The following ADAM33 variants were observed in gnomAD, a reference collection of about 807,000 sequenced individuals.
ADAM33 encodes ADAM metallopeptidase domain 33.
Under a neutral mutation model 106.2 loss-of-function variants are expected in ADAM33, and 103 were observed. The observed-to-expected ratio is 0.97, with a 90% CI of 0.83 to 1.14. The LOEUF is 1.14. Ranked by LOEUF, ADAM33 falls within the 50% of genes most tolerant of loss-of-function variation. ADAM33 has a pLI of 0.00. For synonymous variants in ADAM33, 483 were observed against 453.0 expected, an observed-to-expected ratio of 1.07 and a Z score of -0.84; for missense variants, 1,120 against 1,096.6, an observed-to-expected ratio of 1.02 and a Z score of -0.30.
rs758082548 is a variant in ADAM33, at chr20:3,679,515, G to A, written c.154C>T (p.Arg52Cys). 123 of 1,609,898 alleles carry A rather than the reference G, an allele frequency of 7.6e-5. No individual in the cohort carries two copies. The South Asian group carries it at 1.0e-3, about 13-fold the overall frequency. ...ACCGGCTCCTCCAGGCTGACGGTGC[G>A]CCAGGGTTGTCCATCCAGGACCCAG... ...PHWVLDGQPW[R>C]TVSLEEPVSK... The change falls in exon 2 of 22, where the codon CGC becomes TGC. Residue 52 changes from arginine to cysteine, a missense_variant. Coordinates refer to ENST00000356518, the MANE Select transcript of ADAM33 (RefSeq NM_025220.5).
chr20:3,671,908 T>A lies in ADAM33; in HGVS notation c.1675A>T (p.Ser559Cys). ...GCACAGGGCAGGAAGTGGCCCTCGC[T>A]GTCCTGGCCGCAGTTTCCATGAGCA... ...GDAHGNCGQD[S>C]EGHFLPCAGR... Residue 559 changes from serine (S) to cysteine (C), a missense_variant, in exon 15 of 22, where the codon AGC becomes TGC. Ser to Cys is a moderately radical substitution (Grantham distance 112). Coordinates refer to ENST00000356518, the MANE Select transcript of ADAM33 (RefSeq NM_025220.5). 6.4e-7 allele frequency: 1 copy of A among 1,554,524 alleles called. No homozygotes were observed. Among genetic ancestry groups the A allele is most frequent in the Non-Finnish European group, 8.7e-7 (1 of 1,148,482 alleles).
At chr20:3,677,027 T>C in intron 3 of ADAM33, 40 bp downstream of exon 3, 4 of 1,602,672 alleles carry the variant, frequency 2.5e-6, no homozygotes, top group Non-Finnish European at 3.4e-6. Flanking sequence ...CCCCCAACAC[T>C]GATCCCCTCC....
intron 4 of ADAM33, 39 bp downstream of exon 4, chr20:3,674,988 C>T: frequency 6.2e-7 from 1 of 1,612,982 alleles, no homozygotes; most frequent in Non-Finnish European, 8.5e-7. Flanking sequence ...GGGGGGGTAC[C>T]TCTGGCGGTG....
In ADAM33 at chr20:3,682,008, T is replaced by C; in HGVS notation, c.-4A>G. On this transcript the variant is annotated 5_prime_UTR_variant, in exon 1 of 22. Coordinates refer to ENST00000356518, the MANE Select transcript of ADAM33 (RefSeq NM_025220.5). ...CTCTCCGGGGCCTCCAGCCCATAGC[T>C]GTGAGCTCCTCGGCCTCTAGGCAGC... 6.7e-7 allele frequency: 1 copy of C among 1,500,256 alleles called. No homozygotes were observed. The highest frequency in any genetic ancestry group is 8.9e-7 in the Non-Finnish European group (1 of 1,123,926). The allele number at this position is 1,500,256 out of a possible 1,614,324, so 92.9% of individuals were successfully genotyped here. A position where few individuals can be genotyped will look rare whatever the true frequency, so the allele number is the denominator to read the frequency against.
At chr20:3,673,045 C>A in intron 11 of ADAM33, 147 bp from the exon 12 acceptor site, 2 of 1,434,904 alleles carry the variant, frequency 1.4e-6, no homozygotes, top group Non-Finnish European at 1.8e-6. Context: ...ACACAACAAG[C>A]GGGACAGGGG....
Position 3,674,094 on chromosome 20 carries a change from A to G in ADAM33, c.708T>C (p.Arg236=). The change falls in exon 8 of 22, where the codon CGT becomes CGC. Residue 236 remains arginine, a synonymous_variant. Transcript: ENST00000356518. ...CCACGTAGTTGGCGACTTCCAGGAG[A>G]CGCTGTTTGGTGTGGTTCAAGTTTC... ...RHRNLNHTKQ[R]LLEVANYVDQ... 6.2e-7 allele frequency: 1 copy of G among 1,613,930 alleles called. No individual in the cohort carries two copies. The highest frequency in any genetic ancestry group is 8.5e-7 in the Non-Finnish European group (1 of 1,179,966).
chr20:3,672,349 T>C lies in ADAM33; in HGVS notation c.1402-20A>G, dbSNP rs201325299. The C allele has an allele frequency of 1.2e-3, 1,898 of 1,609,206 alleles. 10 individuals are homozygous for C. The highest frequency in any genetic ancestry group is 1.4e-3 in the Non-Finnish European group (1,657 of 1,177,806). On this transcript the variant is annotated intron_variant, in intron 13 of 21. Coordinates refer to ENST00000356518, the MANE Select transcript of ADAM33 (RefSeq NM_025220.5). ...CTTCAGCTGCGCAGGTGACGGGTGG[T>C]GGGGAAGGCAGAGAGAGGCCACGTG...
In ADAM33 at chr20:3,674,768, C is replaced by A; in HGVS notation, c.410+5G>T. 6.2e-7 allele frequency: 1 copy of A among 1,604,384 alleles called. No homozygotes were observed. The highest frequency in any genetic ancestry group is 8.5e-7 in the Non-Finnish European group (1 of 1,175,138). ...CCAGGCCCAGCCTCCTCTCCCAGAG[C>A]TCACCTCATCCCAGAGCAGGTGCAG... is the stretch of plus-strand genomic sequence containing the variant. On this transcript the variant is annotated splice_donor_5th_base_variant and intron_variant, in intron 5 of 21. Transcript: ENST00000356518.
intron 14 of ADAM33, 54 bp downstream of exon 14, chr20:3,672,080 C>A: frequency 1.3e-6 from 2 of 1,587,842 alleles, no homozygotes; most frequent in Admixed American, 1.8e-5. Flanking sequence ...CAGTAGAAAA[C>A]TGGCCCCACC....
At position 3,681,952 on chromosome 20, in the gene ADAM33, A is replaced by G. The variant is rs1245862653; in HGVS notation, c.53T>C (p.Leu18Pro). Residue 18 changes from leucine (L) to proline (P), a missense_variant, in exon 1 of 22, where the codon CTA (leucine) becomes CCA (proline). Physicochemically the swap from Leu to Pro is moderately conservative, Grantham distance 98 (BLOSUM62 -3). Transcript: ENST00000356518. ...TGGCACTGGCCAGAGCAGCAGCAGT[A>G]GTAGCAGCAGCAGCAACGGGGTCCC... is the stretch of plus-strand genomic sequence containing the variant. Reference protein sequence around the residue: ...ARGTPLLLLLLLLLLWPVPGA... With the variant: ...ARGTPLLLLLPLLLLWPVPGA... 1.9e-6 allele frequency: 3 copies of G among 1,566,454 alleles called. No individual in the cohort carries two copies. The highest frequency in any genetic ancestry group is 1.7e-6 in the Non-Finnish European group (2 of 1,157,384).
Position 3,681,916 on chromosome 20 carries a change from A to G in ADAM33, c.89T>C (p.Val30Ala). 2.5e-6 allele frequency: 4 copies of G among 1,590,044 alleles called. No individual in the cohort carries two copies. The highest frequency in any genetic ancestry group is 3.4e-6 in the Non-Finnish European group (4 of 1,169,648). The change falls in exon 1 of 22, where the codon GTG (valine) becomes GCG (alanine). Residue 30 changes from valine (V) to alanine (A), a missense_variant. By Grantham distance (64) the Val-to-Ala change is moderately conservative (BLOSUM62 0). Transcript: ENST00000356518. Reference protein sequence around the residue: ...LLLWPVPGAGVLQGHIPGQPV... With the variant: ...LLLWPVPGAGALQGHIPGQPV... Reference sequence around the variant, plus strand: ...CCCGCCCGCGTCCTCACCTTGAAGCACCCCGGCGCCTGGCACTGGCCAGAG... The same window carrying G: ...CCCGCCCGCGTCCTCACCTTGAAGCGCCCCGGCGCCTGGCACTGGCCAGAG...
At chr20:3,680,469 T>C (rs1033019791) in intron 1 of ADAM33, among the ~76,000 whole-genome samples, 1 of 152,064 alleles carries the variant, frequency 6.6e-6, no homozygotes, top group Non-Finnish European at 1.5e-5. Context: ...CCCAACTCCT[T>C]TTTTCTCCTC....
chr20:3,672,731 C>A lies in ADAM33; in HGVS notation c.1301G>T (p.Gly434Val). ...FVEAGEECDCGPGQECRDLCC... is the reference protein window; with the variant it reads ...FVEAGEECDCVPGQECRDLCC... ...GCGAGCCGACTTAACCTGGCCAGGG[C>A]CGCAGTCACACTCCTCGCCCGCTTC... The change falls in exon 12 of 22, where the codon GGC (glycine) becomes GTC (valine). Residue 434 changes from glycine to valine, a missense_variant. Physicochemically the swap from Gly to Val is moderately radical, Grantham distance 109. Coordinates refer to ENST00000356518, the MANE Select transcript of ADAM33 (RefSeq NM_025220.5). 6.3e-7 allele frequency: 1 copy of A among 1,575,722 alleles called. No homozygotes were observed. The highest frequency in any genetic ancestry group is 8.6e-7 in the Non-Finnish European group (1 of 1,160,032).
chr20:3,680,542 A>G (rs2088397684), intron 1 of ADAM33, among the ~76,000 whole-genome samples: 1 of 152,126 alleles, frequency 6.6e-6, no homozygotes, highest in Non-Finnish European at 1.5e-5. Context: ...CCTTGATTGG[A>G]TGAGTGAATT....
chr20:3,669,502 C>T (rs1348681782), intron 20 of ADAM33, 44 bp downstream of exon 20: 2 of 1,547,248 alleles, frequency 1.3e-6, no homozygotes, highest in Non-Finnish European at 1.7e-6. Flanking sequence ...ATGAGCCCTT[C>T]CCTTCTCCCT....
At position 3,675,919 on chromosome 20, in the gene ADAM33, G is replaced by C. The variant is rs2087914518; in HGVS notation, c.255-814C>G. 7.0e-6 allele frequency among the ~76,000 whole-genome samples: 1 copy of C among 143,594 alleles called. No homozygotes were observed. Among genetic ancestry groups the C allele is most frequent in the African/African-American group, 2.6e-5 (1 of 38,166 alleles). The allele number at this position is 143,594 out of a possible 152,430, so 94.2% of individuals were successfully genotyped here. A position where few individuals can be genotyped will look rare whatever the true frequency, so the allele number is the denominator to read the frequency against. Reference sequence around the variant, plus strand: ...TGCCCCAGCTCTGCCCCCTACCCCTGCCCCACACACACCCGCCACCCTAGG... The same window carrying C: ...TGCCCCAGCTCTGCCCCCTACCCCTCCCCCACACACACCCGCCACCCTAGG... On this transcript the variant is annotated intron_variant, in intron 3 of 21. Coordinates refer to ENST00000356518, the MANE Select transcript of ADAM33 (RefSeq NM_025220.5). This position sits in a 1 kb window ranked among gnomAD's most constrained non-coding sequence, Gnocchi z 4.1.
At chr20:3,679,397 G>A (rs892414082) in intron 2 of ADAM33, 95 bp downstream of exon 2, 3 of 1,338,492 alleles carry the variant, frequency 2.2e-6, no homozygotes, top group Admixed American at 4.1e-5. Flanking sequence ...GTGGTTCTGG[G>A]GACCCCAGCA....
rs1015452990 is a variant in ADAM33 at position 3,668,839 on chromosome 20, T to G, written c.*124A>C. ...TCGAAGCTCCACTCGGGGAAGAAACTTCCAAGCTGCCTGCAGGTGCTGGAG... is the reference window on the plus strand; with the variant it reads ...TCGAAGCTCCACTCGGGGAAGAAACGTCCAAGCTGCCTGCAGGTGCTGGAG... On this transcript the variant is annotated 3_prime_UTR_variant, in exon 22 of 22. Transcript: ENST00000356518. The G allele has an allele frequency of 4.0e-6, 5 of 1,234,816 alleles. No homozygotes were observed. The highest frequency in any genetic ancestry group is 3.0e-5 in the African/African-American group (2 of 67,168). 76.5% of individuals were successfully genotyped at this position (1,234,816 alleles called of 1,614,324 possible).
rs774498247 is a variant in ADAM33 at position 3,673,946 on chromosome 20, C to T, written c.739-35G>A. ...AGGCGGGGCTGAAGCCGGGACAGGGCGCCCCATCGCGCCGGTGGTCCTTCG... is the reference window on the plus strand; with the variant it reads ...AGGCGGGGCTGAAGCCGGGACAGGGTGCCCCATCGCGCCGGTGGTCCTTCG... On this transcript the variant is annotated intron_variant, in intron 8 of 21. Coordinates refer to ENST00000356518, the MANE Select transcript of ADAM33 (RefSeq NM_025220.5). The T allele has an allele frequency of 2.5e-6, 4 of 1,573,090 alleles. No individual in the cohort carries two copies. The African/African-American group carries it at 4.0e-5, about 16-fold the overall frequency.
Sources: gnomAD v4.1 joint callset for allele counts (sites outside exome capture counted in the v4.1 genomes callset) on GRCh38, gnomAD v4.1.1 for gene constraint, Gnocchi (gnomAD v3.1) non-coding constraint, MANE v1.5 for transcripts, NCBI Gene and HGNC (gene_info 2026-07-23, HGNC 2026-07-21) for gene names.